Variants in SIRPB2 observed in about 807,000 individuals in gnomAD.
SIRPB2 encodes the protein signal-regulatory protein beta-2.
Under a neutral mutation model 27.1 loss-of-function variants are expected in SIRPB2, and 18 were observed. The ratio of observed to expected loss-of-function variants is 0.66; its 90% CI spans 0.46 to 0.98. The LOEUF (loss-of-function observed/expected upper bound fraction) is 0.98, where lower values mean the gene tolerates loss of function less well. Ranked by LOEUF, SIRPB2 falls within the 50% of genes least tolerant of loss-of-function variation. SIRPB2 has a pLI of 0.00. For missense variants in SIRPB2, 420 were observed against 417.4 expected (o/e 1.01, Z -0.06); for synonymous variants, 150 against 164.6 (o/e 0.91, Z 0.68).
At position 1,482,987 on chromosome 20, in the gene SIRPB2, T is replaced by A. The variant is rs183838834; in HGVS notation, c.86-2922A>T. On this transcript the variant is annotated intron_variant, in intron 1 of 4. Coordinates refer to ENST00000359801, the MANE Select transcript of SIRPB2 (RefSeq NM_001122962.2). ...AAATACCTGTTCTAGGATTGCTGGATCATATGGCAGTTCTATTTTTAGATT... is the reference window on the plus strand; with the variant it reads ...AAATACCTGTTCTAGGATTGCTGGAACATATGGCAGTTCTATTTTTAGATT... 1.1e-4 allele frequency among the ~76,000 whole-genome samples: 16 copies of A among 152,336 alleles called. No individual in the cohort carries two copies. The East Asian group carries it at 3.1e-3, about 29-fold the overall frequency.
At chr20:1,481,845 C>T (rs1357631165) in intron 1 of SIRPB2, among the ~76,000 whole-genome samples, 1 of 152,188 alleles carries the variant, frequency 6.6e-6, no homozygotes, top group African/African-American at 2.4e-5. Flanking sequence ...TATCACTGAT[C>T]CTTCCTGTTT....
At chr20:1,488,797 TG>T (rs144878187) in intron 1 of SIRPB2, among the ~76,000 whole-genome samples, 1,621 of 152,314 alleles carry the variant, frequency 0.011, 32 homozygotes, top group African/African-American at 0.038. Flanking sequence ...ACAACTCCTT[TG>T]AAAAACACTT....
At chr20:1,479,483 T>G in intron 2 of SIRPB2, 1 of 672,858 alleles carries the variant, frequency 1.5e-6, no homozygotes, top group African/African-American at 1.8e-5. Flanking sequence ...TGAGAAAACA[T>G]GCCCCACATA....
At chr20:1,477,753 G>T (rs575334314) in intron 3 of SIRPB2, among the ~76,000 whole-genome samples, 25 of 152,298 alleles carry the variant, frequency 1.6e-4, no homozygotes, top group African/African-American at 5.5e-4. Flanking sequence ...TTGGCTCACT[G>T]CAACCTCCGC....
chr20:1,476,086 G>C lies in SIRPB2; in HGVS notation c.*81C>G, dbSNP rs2090603132. ...TCATGAGGCCTGGGGGCACCTAGAG[G>C]CTGGGACTGGAGGTAGGGAAATGGT... On this transcript the variant is annotated 3_prime_UTR_variant, in exon 5 of 5. Transcript: ENST00000359801. 6.6e-7 allele frequency: 1 copy of C among 1,521,426 alleles called. No individual in the cohort carries two copies. Among genetic ancestry groups the C allele is most frequent in the African/African-American group, 1.4e-5 (1 of 71,264 alleles). The allele number at this position is 1,521,426 out of a possible 1,614,324, so 94.2% of individuals were successfully genotyped here.
At chr20:1,482,616 G>T (rs569901481) in intron 1 of SIRPB2, among the ~76,000 whole-genome samples, 1 of 98,620 alleles carries the variant, frequency 1.0e-5, no homozygotes, top group South Asian at 3.6e-4. Context: ...CCTTCTTTTT[G>T]GAGTGCAATG....
At chr20:1,478,642 T>C (rs1263764541) in intron 2 of SIRPB2, 35 bp from the exon 3 acceptor site, 1 of 1,485,992 alleles carries the variant, frequency 6.7e-7, no homozygotes. Flanking sequence ...TTGAATTCCC[T>C]CTCCTCTTCC....
chr20:1,483,262 A>G (rs1373177700), intron 1 of SIRPB2, among the ~76,000 whole-genome samples: 2 of 151,518 alleles, frequency 1.3e-5, no homozygotes, highest in Admixed American at 1.3e-4. Context: ...ACATGACACT[A>G]CACTTGGCTA....
chr20:1,471,174 A>G (rs2090580355), downstream of SIRPB2: 1 of 152,242 alleles, frequency 6.6e-6, no homozygotes, highest in Non-Finnish European at 1.5e-5. Flanking sequence ...AGCCTGAAAC[A>G]ACAGGAATTT....
rs143763099 is a variant in SIRPB2 at position 1,480,177 on chromosome 20, G to A, written c.86-112C>T. 886 of 1,369,590 alleles carry A rather than the reference G, an allele frequency of 6.5e-4. 7 individuals are homozygous for A. The African/African-American group carries it at 0.012, about 18-fold the overall frequency. 84.8% of individuals were successfully genotyped at this position (1,369,590 alleles called of 1,614,324 possible). On this transcript the variant is annotated intron_variant, in intron 1 of 4. Coordinates refer to ENST00000359801, the MANE Select transcript of SIRPB2 (RefSeq NM_001122962.2). The stretch of plus-strand genomic sequence containing the variant: ...GGCCAAGAACAATGGCCCAGGATAA[G>A]ACAGGAGTGTCATTAGACAGGGAAG...
At chr20:1,481,310 C>T (rs1327841320) in intron 1 of SIRPB2, among the ~76,000 whole-genome samples, 2 of 152,178 alleles carry the variant, frequency 1.3e-5, no homozygotes, top group East Asian at 1.9e-4. Flanking sequence ...GCCACCATGC[C>T]CAGCCTATAA....
In SIRPB2 at chr20:1,491,363, AT is replaced by A; in HGVS notation, c.-5del. The A allele has an allele frequency of 2.5e-6, 4 of 1,607,096 alleles. No homozygotes were observed. The highest frequency in any genetic ancestry group is 3.4e-6 in the Non-Finnish European group (4 of 1,177,424). On this transcript the variant is annotated 5_prime_UTR_variant, in exon 1 of 5. The change abolishes an upstream ATG in the 5' untranslated region. Coordinates refer to ENST00000359801, the MANE Select transcript of SIRPB2 (RefSeq NM_001122962.2). Reference sequence around the variant, plus strand: ...GGGCCGACATCGTGGAGCACATGGCATCTTCTGTGGTCCCCAAGACTTGGGG... The same window carrying A: ...GGGCCGACATCGTGGAGCACATGGCACTTCTGTGGTCCCCAAGACTTGGGG...
In SIRPB2 at chr20:1,477,286, G is replaced by A. The variant is rs577199532; in HGVS notation, c.859+52C>T. 1.8e-4 allele frequency: 298 copies of A among 1,614,156 alleles called. 6 individuals carry two copies. In the South Asian group the frequency reaches 2.9e-3, roughly 16 times the overall value. ...CCTTCCCATGACCAAGCCATTCATGGCCCCCTTGCCTGTGGGGGACTCATT... is the reference window on the plus strand; with the variant it reads ...CCTTCCCATGACCAAGCCATTCATGACCCCCTTGCCTGTGGGGGACTCATT... On this transcript the variant is annotated intron_variant, in intron 4 of 4. Coordinates refer to ENST00000359801, the MANE Select transcript of SIRPB2 (RefSeq NM_001122962.2).
chr20:1,474,949 T>G lies in SIRPB2; in HGVS notation c.*1218A>C, dbSNP rs1401784801. The G allele has an allele frequency of 6.6e-6, 1 of 152,276 alleles. No homozygotes were observed. The highest frequency in any genetic ancestry group is 2.4e-5 in the African/African-American group (1 of 41,438). The allele number at this position is 152,276 out of a possible 1,614,324, so 9.4% of individuals were successfully genotyped here. On this transcript the variant is annotated 3_prime_UTR_variant, in exon 5 of 5. Coordinates refer to ENST00000359801, the MANE Select transcript of SIRPB2 (RefSeq NM_001122962.2). ...GTTCCGTGATGGGAAGGGACTCTGA[T>G]TAGTCACTGAGGGTGCACAGGGAGG...
At position 1,477,587 on chromosome 20, in the gene SIRPB2, G is replaced by C. The variant is rs150602852; in HGVS notation, c.794-184C>G. On this transcript the variant is annotated intron_variant, in intron 3 of 4. Coordinates refer to ENST00000359801, the MANE Select transcript of SIRPB2 (RefSeq NM_001122962.2). ...TCTACTGGAGCACGTTTAGGGTATG[G>C]ACCTGTCTAATTCATTGCAGTGTCT... is the stretch of plus-strand genomic sequence containing the variant. 4.6e-5 allele frequency among the ~76,000 whole-genome samples: 7 copies of C among 152,320 alleles called. No homozygotes were observed. In the East Asian group the frequency reaches 1.3e-3, roughly 29 times the overall value.
Position 1,476,223 on chromosome 20 carries a change from T to G in SIRPB2, c.973A>C (p.Thr325Pro). The G allele has an allele frequency of 6.2e-7, 1 of 1,614,010 alleles. No individual in the cohort carries two copies. Residue 325 changes from threonine (T) to proline (P), a missense_variant, in exon 5 of 5, where the codon ACC becomes CCC. Transcript: ENST00000359801. ...TTCATGGCTCCTGCTGGGCCTGTGGTCTTGACATCTTCTTGCCCAGGGCTC... is the reference window on the plus strand; with the variant it reads ...TTCATGGCTCCTGCTGGGCCTGTGGGCTTGACATCTTCTTGCCCAGGGCTC... The part of the protein sequence containing the change: ...RRSPGQEDVK[T>P]TGPAGAMNTL...
intron 1 of SIRPB2, among the ~76,000 whole-genome samples, chr20:1,489,442 G>A (rs1470651562): frequency 2.0e-5 from 3 of 152,210 alleles, no homozygotes; most frequent in Admixed American, 6.5e-5. Flanking sequence ...ATGGAGGAGA[G>A]GAAGAAGGAA....
intron 2 of SIRPB2, 34 bp from the exon 3 acceptor site, chr20:1,478,641 C>A (rs1568644424): frequency 6.7e-7 from 1 of 1,486,578 alleles, no homozygotes; most frequent in East Asian, 2.3e-5. Flanking sequence ...GTTGAATTCC[C>A]TCTCCTCTTC....
chr20:1,477,839 C>T (rs1033255793), intron 3 of SIRPB2, among the ~76,000 whole-genome samples: 1 of 152,144 alleles, frequency 6.6e-6, no homozygotes, highest in Non-Finnish European at 1.5e-5. Flanking sequence ...CCACGCCTGA[C>T]TAATTTTGTA....
Sources: gnomAD v4.1 joint callset for allele counts (sites outside exome capture counted in the v4.1 genomes callset) on GRCh38, gnomAD v4.1.1 for gene constraint, MANE v1.5 for transcripts, NCBI Gene and HGNC (gene_info 2026-07-23, HGNC 2026-07-21) for gene names.